The following SPEG variants were observed in gnomAD, a reference collection of about 807,000 sequenced individuals.
The protein encoded by SPEG is striated muscle preferentially expressed protein kinase.
SPEG carries 114 observed loss-of-function variants against 300.4 expected under a neutral mutation model. That is an observed-to-expected ratio of 0.38 (90% CI 0.33 to 0.44). The LOEUF (loss-of-function observed/expected upper bound fraction) is 0.44, where lower values mean the gene tolerates loss of function less well. Among genes scored for constraint, SPEG ranks in the 20% least tolerant of loss-of-function variants. The pLI is 1.00. For synonymous variants in SPEG, 1,964 were observed against 2,018.9 expected (o/e 0.97, Z 0.73); for missense variants, 4,201 against 4,586.2 (o/e 0.92, Z 2.43).
chr2:219,491,082 C>A, intron 38 of SPEG, 126 bp downstream of exon 38: 1 of 712,622 alleles, frequency 1.4e-6, no homozygotes, highest in Non-Finnish European at 2.3e-6. Flanking sequence ...AAGCAATGAA[C>A]GAAGTATGTG....
intron 4 of SPEG, chr2:219,450,737 T>C (rs1689678792): frequency 6.3e-6 from 1 of 157,814 alleles, no homozygotes; most frequent in Non-Finnish European, 1.4e-5. Flanking sequence ...CTTGGGTTGC[T>C]TTTAGCTTGT....
In SPEG at chr2:219,475,902, C is replaced by T. The variant is rs918863982; in HGVS notation, c.4448-968C>T. On this transcript the variant is annotated intron_variant, in intron 18 of 40. Coordinates refer to ENST00000312358, the MANE Select transcript of SPEG (RefSeq NM_005876.5). ...CTCACTGCAGTGTCTTCCCCACCCC[C>T]GGGATGGCCTCCCCCGTTGTCTGTG... 3.3e-5 allele frequency among the ~76,000 whole-genome samples: 5 copies of T among 152,172 alleles called. No individual in the cohort carries two copies. In the East Asian group the frequency reaches 9.6e-4, roughly 29 times the overall value.
intron 40 of SPEG, 124 bp downstream of exon 40, chr2:219,492,384 ACTACC>A: frequency 8.3e-7 from 1 of 1,207,990 alleles, no homozygotes; most frequent in South Asian, 1.4e-5. Context: ...AAATGGTCAT[ACTACC>A]CACCATTTAA....
At position 219,480,453 on chromosome 2, in the gene SPEG, G is replaced by A. The variant is rs1692733685; in HGVS notation, c.5343-218G>A. Reference sequence around the variant, plus strand: ...TCCCATTGGTTCCCAGGCTTCCCTGGGCTTCCTGGGCCAGCCCTGCCATGA... The same window carrying A: ...TCCCATTGGTTCCCAGGCTTCCCTGAGCTTCCTGGGCCAGCCCTGCCATGA... On this transcript the variant is annotated intron_variant, in intron 25 of 40. Transcript: ENST00000312358. The surrounding 1 kb of genome is among the most constrained non-coding windows in gnomAD (Gnocchi z 5.3). 6.6e-6 allele frequency among the ~76,000 whole-genome samples: 1 copy of A among 152,082 alleles called. No individual in the cohort carries two copies. Among genetic ancestry groups the A allele is most frequent in the South Asian group, 2.1e-4 (1 of 4,828 alleles).
chr2:219,479,854 T>C lies in SPEG; in HGVS notation c.5157T>C (p.Asp1719=), dbSNP rs770771785. ...ACCAGAGCCACGTGCTGCACCTCGA[T>C]GTCAAGGTGAGGTGGGGACTGGAGA... ...YLHQSHVLHL[D]VKPENLLVWD... The change falls in exon 24 of 41, where the codon GAT becomes GAC. Residue 1719 remains aspartate (D), a synonymous_variant. Coordinates refer to ENST00000312358, the MANE Select transcript of SPEG (RefSeq NM_005876.5). This position sits in a 1 kb window ranked among gnomAD's most constrained non-coding sequence, Gnocchi z 5.5. 6.2e-7 allele frequency: 1 copy of C among 1,613,906 alleles called. No homozygotes were observed. The highest frequency in any genetic ancestry group is 1.7e-5 in the Admixed American group (1 of 60,028).
intron 33 of SPEG, 53 bp from the exon 34 acceptor site, chr2:219,488,725 G>A: frequency 6.2e-7 from 1 of 1,611,378 alleles, no homozygotes; most frequent in Non-Finnish European, 8.5e-7. Flanking sequence ...AGGGCTTGAG[G>A]GGTTCTTAGC....
Position 219,477,049 on chromosome 2 carries a change from C to A in SPEG, c.4560+67C>A. Reference sequence around the variant, plus strand: ...GGCTCCCTGGGGGCGTGGGAGGGTCCTGGAAGGCCTTAGGAGGGCGGAGCC... The same window carrying A: ...GGCTCCCTGGGGGCGTGGGAGGGTCATGGAAGGCCTTAGGAGGGCGGAGCC... On this transcript the variant is annotated intron_variant, in intron 19 of 40. Coordinates refer to ENST00000312358, the MANE Select transcript of SPEG (RefSeq NM_005876.5). The surrounding 1 kb of genome is among the most constrained non-coding windows in gnomAD (Gnocchi z 6.4). 1 of 1,404,036 alleles carries A rather than the reference C, an allele frequency of 7.1e-7. No homozygotes were observed. 87.0% of individuals were successfully genotyped at this position (1,404,036 alleles called of 1,614,324 possible).
rs6747090 is a variant in SPEG at position 219,491,910 on chromosome 2, C to T, written c.9461+41C>T. 0.068 allele frequency: 103,200 copies of T among 1,526,622 alleles called. 3,869 individuals are homozygous for T. Among genetic ancestry groups the T allele is most frequent in the Non-Finnish European group, 0.076 (85,203 of 1,124,470 alleles). 94.6% of individuals were successfully genotyped at this position (1,526,622 alleles called of 1,614,324 possible). On this transcript the variant is annotated intron_variant, in intron 39 of 40. Coordinates refer to ENST00000312358, the MANE Select transcript of SPEG (RefSeq NM_005876.5). ...CCCACCGCAGCCCTCTCTGCCCATA[C>T]AGTGAGCTCCCGGACTCACCTTCTG...
chr2:219,467,422 A>T lies in SPEG; in HGVS notation c.3130A>T (p.Ser1044Cys), dbSNP rs1468524174. 1.2e-6 allele frequency: 2 copies of T among 1,603,680 alleles called. No individual in the cohort carries two copies. The highest frequency in any genetic ancestry group is 1.1e-5 in the South Asian group (1 of 90,792). ...CAGTGGCGTCTACACCTGCAAGCTC[A>T]GCACGGCCAAAGGTAACTCCCCACT... ...DDSGVYTCKL[S>C]TAKDELTCSA... The change falls in exon 10 of 41, where the codon AGC (serine) becomes TGC (cysteine). Residue 1044 changes from serine to cysteine, a missense_variant. Coordinates refer to ENST00000312358, the MANE Select transcript of SPEG (RefSeq NM_005876.5).
At chr2:219,466,401 T>C (rs1275640848) in intron 9 of SPEG, 1 of 1,335,100 alleles carries the variant, frequency 7.5e-7, no homozygotes, top group Non-Finnish European at 9.6e-7. Flanking sequence ...CTACTGCTGC[T>C]ACAGGCCTGT....
intron 9 of SPEG, 119 bp from the exon 10 acceptor site, chr2:219,467,055 A>G: frequency 7.5e-7 from 1 of 1,327,606 alleles, no homozygotes; most frequent in South Asian, 1.5e-5. Context: ...CCATCTCCAG[A>G]GAACAAAATG....
In SPEG at chr2:219,480,793, C is replaced by G; in HGVS notation, c.5369+96C>G. 1.7e-6 allele frequency: 2 copies of G among 1,182,810 alleles called. No individual in the cohort carries two copies. Among genetic ancestry groups the G allele is most frequent in the East Asian group, 2.3e-5 (1 of 42,796 alleles). 73.3% of individuals were successfully genotyped at this position (1,182,810 alleles called of 1,614,324 possible). A position where few individuals can be genotyped will look rare whatever the true frequency, so the allele number is the denominator to read the frequency against. On this transcript the variant is annotated intron_variant, in intron 26 of 40. Transcript: ENST00000312358. This position sits in a 1 kb window ranked among gnomAD's most constrained non-coding sequence, Gnocchi z 5.3. ...CCACCCCCTTCTCTTCCGCACCCCC[C>G]ACTCCTTCTTGCACTGCAAGGAGCC... is the stretch of plus-strand genomic sequence containing the variant.
chr2:219,472,824 G>A, intron 15 of SPEG, 66 bp from the exon 16 acceptor site: 1 of 1,400,340 alleles, frequency 7.1e-7, no homozygotes, highest in Non-Finnish European at 9.8e-7. Flanking sequence ...AGGGTCCCGG[G>A]CCAGCTGGAT....
Position 219,451,366 on chromosome 2 carries a change from A to T in SPEG, c.2257+87A>T. ...GGGGAGGTTCCCCCGGACTCCTCCA[A>T]GGGAGGGGTGGGAAAGAGGGGAATT... On this transcript the variant is annotated intron_variant, in intron 5 of 40. Transcript: ENST00000312358. This position sits in a 1 kb window ranked among gnomAD's most constrained non-coding sequence, Gnocchi z 6.4. The T allele has an allele frequency of 6.7e-7, 1 of 1,482,386 alleles. No homozygotes were observed. Among genetic ancestry groups the T allele is most frequent in the Non-Finnish European group, 9.0e-7 (1 of 1,111,558 alleles). 91.8% of individuals were successfully genotyped at this position (1,482,386 alleles called of 1,614,324 possible).
rs1375224032 is a variant in SPEG, at chr2:219,481,400, G to A, written c.5466G>A (p.Leu1822=). ...YNVAFEETTF[L]SLSREARGFL... is the part of the protein sequence containing the mutation. ...TGGCCTTCGAGGAGACCACATTCCT[G>A]AGCCTGAGCAGGGAGGCCCGGGGCT... The change falls in exon 27 of 41, where the codon CTG becomes CTA. Residue 1822 remains leucine, a synonymous_variant. Coordinates refer to ENST00000312358, the MANE Select transcript of SPEG (RefSeq NM_005876.5). The surrounding 1 kb of genome is among the most constrained non-coding windows in gnomAD (Gnocchi z 5.4). 17 of 1,614,044 alleles carry A rather than the reference G, an allele frequency of 1.1e-5. No homozygotes were observed. Among genetic ancestry groups the A allele is most frequent in the Non-Finnish European group, 1.4e-5 (17 of 1,180,038 alleles).
Position 219,459,740 on chromosome 2 carries a change from C to T in SPEG, c.2441-2142C>T, listed in dbSNP as rs542574251. ...TCCATAGAGGGGTAGGACCGCCCAC[C>T]TGCGGAGCCATGCCTGTGATCTCAG... On this transcript the variant is annotated intron_variant, in intron 6 of 40. Transcript: ENST00000312358. The surrounding 1 kb of genome is among the most constrained non-coding windows in gnomAD (Gnocchi z 4.9). Among the ~76,000 whole-genome samples the T allele has an allele frequency of 6.6e-6, 1 of 152,356 alleles. No homozygotes were observed. Among genetic ancestry groups the T allele is most frequent in the South Asian group, 2.1e-4 (1 of 4,830 alleles).
At chr2:219,454,035 C>A (rs1473153390) in intron 6 of SPEG, among the ~76,000 whole-genome samples, 1 of 152,178 alleles carries the variant, frequency 6.6e-6, no homozygotes, top group African/African-American at 2.4e-5. Context: ...GGCCTGCGTG[C>A]AGCCACCGCC....
In SPEG at chr2:219,461,936, G is replaced by A; in HGVS notation, c.2495G>A (p.Ser832Asn). ...SPITSDEEYLSPPEEFPEPGE... is the reference protein window; with the variant it reads ...SPITSDEEYLNPPEEFPEPGE... ...ATCACCTCCGACGAGGAATACCTGA[G>A]CCCCCCAGAGGAGTTCCCAGAGCCT... The change falls in exon 7 of 41, where the codon AGC becomes AAC. Residue 832 changes from serine (S) to asparagine (N), a missense_variant. This residue lies in a region of SPEG where 1,258 missense variants were observed against 1,293.9 expected (regional missense o/e 0.97). Coordinates refer to ENST00000312358, the MANE Select transcript of SPEG (RefSeq NM_005876.5). 1 of 1,613,624 alleles carries A rather than the reference G, an allele frequency of 6.2e-7. No individual in the cohort carries two copies. Among genetic ancestry groups the A allele is most frequent in the Non-Finnish European group, 8.5e-7 (1 of 1,179,812 alleles).
At chr2:219,437,078 G>A (rs931708787) in intron 1 of SPEG, among the ~76,000 whole-genome samples, 1 of 152,082 alleles carries the variant, frequency 6.6e-6, no homozygotes, top group African/African-American at 2.4e-5. Context: ...AAAGATCAGG[G>A]AGCTCTGCCT....
Sources: allele counts gnomAD v4.1 joint callset (sites outside exome capture counted in the v4.1 genomes callset), GRCh38; gene constraint gnomAD v4.1.1; regional missense constraint gnomAD v4.1.1; non-coding constraint Gnocchi (gnomAD v3.1); transcripts MANE v1.5; gene names NCBI Gene and HGNC (gene_info 2026-07-23, HGNC 2026-07-21).